The following OTUD3 variants were observed in gnomAD, a reference collection of about 807,000 sequenced individuals.
OTUD3 encodes the protein OTU deubiquitinase 3.
Under a neutral mutation model 46.2 loss-of-function variants are expected in OTUD3, and 24 were observed. The observed-to-expected ratio is 0.52, with a 90% confidence interval of 0.38 to 0.73. OTUD3 has a LOEUF of 0.73. Ranked by LOEUF, OTUD3 falls within the 30% of genes least tolerant of loss-of-function variation. The pLI, the probability that OTUD3 is intolerant of heterozygous loss-of-function variation, is 0.00. For missense variants in OTUD3, 455 were observed against 523.3 expected, an observed-to-expected ratio of 0.87 and a Z score of 1.27; for synonymous variants, 189 against 195.4, an observed-to-expected ratio of 0.97 and a Z score of 0.27.
At chr1:19,899,051 T>C (rs1369369746) in intron 4 of OTUD3, among the ~76,000 whole-genome samples, 2 of 152,200 alleles carry the variant, frequency 1.3e-5, no homozygotes, top group African/African-American at 4.8e-5. Flanking sequence ...GCTCAAGTGA[T>C]CCTCCTGCCT....
intron 4 of OTUD3, among the ~76,000 whole-genome samples, chr1:19,900,409 C>T (rs894771459): frequency 6.6e-6 from 1 of 151,798 alleles, no homozygotes; most frequent in African/African-American, 2.4e-5. Context: ...GGGCTGGTCT[C>T]GAACTCCTGG....
intron 3 of OTUD3, among the ~76,000 whole-genome samples, chr1:19,896,313 G>A (rs1419739791): frequency 6.6e-6 from 1 of 151,862 alleles, no homozygotes. Flanking sequence ...TAATCTGCCC[G>A]TGAAAGTCAC....
intron 1 of OTUD3, among the ~76,000 whole-genome samples, chr1:19,889,700 A>G (rs1215246546): frequency 6.6e-6 from 1 of 152,180 alleles, no homozygotes; most frequent in Non-Finnish European, 1.5e-5. Flanking sequence ...GAGAAACAAA[A>G]TGTGGTGTTT....
rs1201480400 is a variant in OTUD3 at position 19,909,461 on chromosome 1, C to G, written c.*1715C>G. 6.6e-6 allele frequency: 1 copy of G among 152,318 alleles called. No individual in the cohort carries two copies. Among genetic ancestry groups the G allele is most frequent in the Non-Finnish European group, 1.5e-5 (1 of 68,028 alleles). The allele number at this position is 152,318 out of a possible 1,614,324, so 9.4% of individuals were successfully genotyped here. On this transcript the variant is annotated 3_prime_UTR_variant, in exon 8 of 8. Coordinates refer to ENST00000375120, the MANE Select transcript of OTUD3 (RefSeq NM_015207.2). ...GTCCTGAGCTTGAGGCTGTGTTACT[C>G]TACTCATTCCAAACGAATGAAAGAT...
At chr1:19,887,720 G>A (rs1199159175) in intron 1 of OTUD3, among the ~76,000 whole-genome samples, 1 of 152,050 alleles carries the variant, frequency 6.6e-6, no homozygotes, top group African/African-American at 2.4e-5. Context: ...GTCCCCCTGA[G>A]CCTTCTTTAG....
chr1:19,900,355 T>C (rs1316469577), intron 4 of OTUD3, among the ~76,000 whole-genome samples: 4 of 152,130 alleles, frequency 2.6e-5, no homozygotes, highest in Non-Finnish European at 4.4e-5. Flanking sequence ...TATGCCTGGC[T>C]AATTTTTTAT....
intron 4 of OTUD3, 169 bp downstream of exon 4, chr1:19,897,831 T>A: frequency 1.9e-6 from 1 of 520,326 alleles, no homozygotes; most frequent in East Asian, 3.6e-5. Context: ...GTGAGAGTGA[T>A]AGATAAAATT....
intron 6 of OTUD3, 36 bp from the exon 7 acceptor site, chr1:19,906,396 G>A: frequency 4.4e-6 from 7 of 1,598,860 alleles, no homozygotes; most frequent in Non-Finnish European, 6.0e-6. Flanking sequence ...GTAACTCTCA[G>A]GTTCTCAGTT....
intron 1 of OTUD3, among the ~76,000 whole-genome samples, chr1:19,888,157 C>G (rs764342456): frequency 1.8e-4 from 28 of 152,316 alleles, no homozygotes; most frequent in Middle Eastern, 6.8e-3. Context: ...GTGCTACTGA[C>G]AGCTAATGGC....
chr1:19,898,728 CAAAAA>C (rs754569616), intron 4 of OTUD3, among the ~76,000 whole-genome samples: 3 of 114,058 alleles, frequency 2.6e-5, no homozygotes, highest in Admixed American at 1.8e-4. Flanking sequence ...AACTCCATCT[CAAAAA>C]AAAAAAAAAA....
At chr1:19,901,679 A>G (rs1306315236) in intron 4 of OTUD3, among the ~76,000 whole-genome samples, 1 of 152,122 alleles carries the variant, frequency 6.6e-6, no homozygotes, top group Non-Finnish European at 1.5e-5. Flanking sequence ...AGTGACTCCC[A>G]ATTCCCCCTC....
rs1422417266 is a variant in OTUD3, at chr1:19,887,147, C to T, written c.222-3238C>T. ...TTGCCCAGGCTGGAGTGCAATGGCA[C>T]GATCTTGGCTCACTGGAACCTCTGC... is the stretch of plus-strand genomic sequence containing the variant. On this transcript the variant is annotated intron_variant, in intron 1 of 7. Transcript: ENST00000375120. Among the ~76,000 whole-genome samples the T allele has an allele frequency of 3.3e-5, 5 of 149,534 alleles. No individual in the cohort carries two copies. The East Asian group carries it at 7.9e-4, about 24-fold the overall frequency.
rs376595251 is a variant in OTUD3 at position 19,902,238 on chromosome 1, T to G, written c.607-2029T>G. 1.5e-4 allele frequency among the ~76,000 whole-genome samples: 23 copies of G among 152,322 alleles called. No individual in the cohort carries two copies. The South Asian group carries it at 4.6e-3, about 30-fold the overall frequency. ...GTTTTTTTTCGAGACGGAGTCTTGC[T>G]CTGTCGCCCAGGCTGGAGTGCAGCG... On this transcript the variant is annotated intron_variant, in intron 4 of 7. Coordinates refer to ENST00000375120, the MANE Select transcript of OTUD3 (RefSeq NM_015207.2).
rs181368496 is a variant in OTUD3 at position 19,885,600 on chromosome 1, C to T, written c.221+2866C>T. On this transcript the variant is annotated intron_variant, in intron 1 of 7. Transcript: ENST00000375120. The stretch of plus-strand genomic sequence containing the variant: ...TCCTGAGTAGCTGGGATTACAGGCA[C>T]CTGCTACCACAGCCAGCTAATTTGT... 9.9e-5 allele frequency among the ~76,000 whole-genome samples: 15 copies of T among 152,256 alleles called. No homozygotes were observed. The East Asian group carries it at 1.6e-3, about 16-fold the overall frequency.
intron 1 of OTUD3, among the ~76,000 whole-genome samples, chr1:19,883,949 TCAC>T (rs1184500978): frequency 6.6e-6 from 1 of 152,260 alleles, no homozygotes; most frequent in African/African-American, 2.4e-5. Context: ...CACAAAGAGT[TCAC>T]CACACTTTGC....
intron 2 of OTUD3, among the ~76,000 whole-genome samples, chr1:19,893,684 T>C (rs2045479988): frequency 6.6e-6 from 1 of 152,232 alleles, no homozygotes; most frequent in Non-Finnish European, 1.5e-5. Context: ...CCTTTGGGAA[T>C]TCCAGAGGTT....
At chr1:19,892,749 C>G (rs910470747) in intron 2 of OTUD3, among the ~76,000 whole-genome samples, 3 of 152,128 alleles carry the variant, frequency 2.0e-5, no homozygotes, top group Admixed American at 6.6e-5. Context: ...CCATACTGTT[C>G]GGTATCATTG....
intron 1 of OTUD3, among the ~76,000 whole-genome samples, chr1:19,886,253 G>C (rs2045358307): frequency 6.6e-6 from 1 of 152,110 alleles, no homozygotes. Flanking sequence ...TTATCTAGTT[G>C]GGTCTTACTA....
rs199508539 is a variant in OTUD3 at position 19,907,848 on chromosome 1, C to T, written c.*102C>T. 837 of 1,074,396 alleles carry T rather than the reference C, an allele frequency of 7.8e-4. 1 individual carries two copies. Among genetic ancestry groups the T allele is most frequent in the Non-Finnish European group, 1.0e-3 (743 of 742,704 alleles). 66.6% of individuals were successfully genotyped at this position (1,074,396 alleles called of 1,614,324 possible). A position where few individuals can be genotyped will look rare whatever the true frequency, so the allele number is the denominator to read the frequency against. On this transcript the variant is annotated 3_prime_UTR_variant, in exon 8 of 8. Transcript: ENST00000375120. The stretch of plus-strand genomic sequence containing the variant: ...CTTTTATAAAACGCAACACAACCAA[C>T]GAAGCCCACACATGAGCTCACACAC...
Sources: gnomAD v4.1 joint callset for allele counts (sites outside exome capture counted in the v4.1 genomes callset) on GRCh38, gnomAD v4.1.1 for gene constraint, MANE v1.5 for transcripts, NCBI Gene and HGNC (gene_info 2026-07-23, HGNC 2026-07-21) for gene names.